PRKAR2A: variants seen among roughly 807,000 people sequenced by gnomAD.
PRKAR2A encodes protein kinase cAMP-dependent type II regulatory subunit alpha.
A neutral mutation model predicts 51.9 loss-of-function variants in PRKAR2A; 29 were observed. That is an observed-to-expected ratio of 0.56 (90% CI 0.42 to 0.76). PRKAR2A has a LOEUF of 0.76. Among genes scored for constraint, PRKAR2A ranks in the 30% least tolerant of loss-of-function variants. The probability of loss-of-function intolerance (pLI) is 0.00; values close to 1 mark genes in which losing one functional copy is unlikely to be tolerated. For missense variants in PRKAR2A, 445 were observed against 512.1 expected (o/e 0.87, Z 1.26); for synonymous variants, 178 against 186.2 (o/e 0.96, Z 0.36).
At chr3:48,779,535 CT>C (rs1268100377) in intron 5 of PRKAR2A, among the ~76,000 whole-genome samples, 1 of 151,590 alleles carries the variant, frequency 6.6e-6, no homozygotes, top group Non-Finnish European at 1.5e-5. Context: ...AATCTCAGCA[CT>C]TTGGGAGGCC....
At chr3:48,831,454 C>A (rs138219862) in intron 1 of PRKAR2A, among the ~76,000 whole-genome samples, 22 of 147,816 alleles carry the variant, frequency 1.5e-4, no homozygotes, top group Non-Finnish European at 3.0e-4. Context: ...GTAGCATTGA[C>A]CTGCTGGGCT....
intron 1 of PRKAR2A, among the ~76,000 whole-genome samples, chr3:48,843,154 G>C (rs758400415): frequency 1.6e-4 from 25 of 152,020 alleles, no homozygotes; most frequent in Non-Finnish European, 3.4e-4. Context: ...AGAGTGTGTC[G>C]AGGAATTTAT....
chr3:48,786,722 AT>A (rs2107300151), intron 4 of PRKAR2A, among the ~76,000 whole-genome samples: 1 of 152,244 alleles, frequency 6.6e-6, no homozygotes, highest in South Asian at 2.1e-4. Context: ...GATAGTGTTA[AT>A]CATAATAGCT....
intron 1 of PRKAR2A, among the ~76,000 whole-genome samples, chr3:48,818,346 T>C (rs2082905274): frequency 6.6e-6 from 1 of 152,240 alleles, no homozygotes. Flanking sequence ...ATCTTTAGTC[T>C]GTCATTTTAC....
chr3:48,820,006 ATCCAAGCCAGGCAAATCAGTG>A (rs1226156425), intron 1 of PRKAR2A, among the ~76,000 whole-genome samples: 1 of 152,150 alleles, frequency 6.6e-6, no homozygotes, highest in Non-Finnish European at 1.5e-5. Flanking sequence ...AGGGTGCATG[ATCCAAGCCAGGCAAATCAGTG>A]TTCTTAAGCA....
In PRKAR2A at chr3:48,782,987, G is replaced by A. The variant is rs201062271; in HGVS notation, c.541C>T (p.Arg181Trp). 9 of 1,595,134 alleles carry A rather than the reference G, an allele frequency of 5.6e-6. No individual in the cohort carries two copies. In the East Asian group the frequency reaches 6.7e-5, roughly 12 times the overall value. The change falls in exon 5 of 11, where the codon CGG becomes TGG. Residue 181 changes from arginine (R) to tryptophan (W), a missense_variant and splice_region_variant. Transcript: ENST00000265563. ...CAATTTCAAAGCTCCATCTCCTACC[G>A]TTCTATGACATAAAAGTTGTCTCCA... is the stretch of plus-strand genomic sequence containing the variant. ...DDGDNFYVIERGTYDILVTKD... is the reference protein window; with the variant it reads ...DDGDNFYVIEWGTYDILVTKD...
At chr3:48,824,133 C>T (rs954894307) in intron 1 of PRKAR2A, among the ~76,000 whole-genome samples, 2 of 151,864 alleles carry the variant, frequency 1.3e-5, no homozygotes, top group African/African-American at 4.8e-5. Context: ...CACAGCTACT[C>T]GGGAGGTTGA....
intron 1 of PRKAR2A, among the ~76,000 whole-genome samples, chr3:48,838,830 A>G (rs1002151836): frequency 4.6e-5 from 7 of 151,356 alleles, no homozygotes; most frequent in African/African-American, 1.5e-4. Flanking sequence ...AAAAAATACA[A>G]AAAATTAGCT....
chr3:48,829,605 AAT>A lies in PRKAR2A; in HGVS notation c.262+17728_262+17729del, dbSNP rs1559646320. 3.1e-5 allele frequency among the ~76,000 whole-genome samples: 2 copies of A among 64,442 alleles called. 1 individual carries two copies. The highest frequency in any genetic ancestry group is 5.6e-5 in the Non-Finnish European group (2 of 35,410). The allele number at this position is 64,442 out of a possible 152,430, so 42.3% of individuals were successfully genotyped here. On this transcript the variant is annotated intron_variant, in intron 1 of 10. Coordinates refer to ENST00000265563, the MANE Select transcript of PRKAR2A (RefSeq NM_004157.4). ...ATGTGTGTATATATACACACACATA[AAT>A]GTGTGTGTGTATACGTGTGTATACA...
intron 3 of PRKAR2A, among the ~76,000 whole-genome samples, chr3:48,792,600 T>G (rs1355612831): frequency 2.7e-5 from 4 of 150,942 alleles, no homozygotes; most frequent in African/African-American, 7.3e-5. Flanking sequence ...TAGCTGGGAT[T>G]ACAGGCGCCT....
chr3:48,775,237 G>A (rs1048699614), intron 5 of PRKAR2A, among the ~76,000 whole-genome samples: 11 of 151,988 alleles, frequency 7.2e-5, no homozygotes, highest in East Asian at 3.9e-4. Context: ...TCAGGAGTTC[G>A]AGACTAGCCT....
chr3:48,788,036 T>G (rs1011075761), intron 4 of PRKAR2A, among the ~76,000 whole-genome samples: 4 of 152,118 alleles, frequency 2.6e-5, no homozygotes, highest in African/African-American at 9.7e-5. Flanking sequence ...AATTTTAAAT[T>G]TTTAGCTTTT....
Position 48,847,494 on chromosome 3 carries a change from C to T in PRKAR2A, c.103G>A (p.Glu35Lys). The T allele has an allele frequency of 6.4e-7, 1 of 1,556,366 alleles. No individual in the cohort carries two copies. The highest frequency in any genetic ancestry group is 8.7e-7 in the Non-Finnish European group (1 of 1,150,436). Residue 35 changes from glutamate (E) to lysine (K), a missense_variant, in exon 1 of 11, where the codon GAG becomes AAG. By Grantham distance (56) the Glu-to-Lys change is moderately conservative (BLOSUM62 1). Coordinates refer to ENST00000265563, the MANE Select transcript of PRKAR2A (RefSeq NM_004157.4). This position sits in a 1 kb window ranked among gnomAD's most constrained non-coding sequence, Gnocchi z 4.4. The stretch of plus-strand genomic sequence containing the variant: ...GCCTCGCGCAGGCGGGTGAAGTACT[C>T]CACTGCGAATTCGACGAGGTCAGGC... ...QPPDLVEFAVEYFTRLREARA... is the reference protein window; with the variant it reads ...QPPDLVEFAVKYFTRLREARA...
At chr3:48,807,396 C>T (rs2082689492) in intron 2 of PRKAR2A, among the ~76,000 whole-genome samples, 1 of 151,988 alleles carries the variant, frequency 6.6e-6, no homozygotes, top group African/African-American at 2.4e-5. Context: ...TTTTTTGAAG[C>T]TGTAATTATA....
At chr3:48,753,288 T>C (rs1352316327) in intron 9 of PRKAR2A, among the ~76,000 whole-genome samples, 2 of 151,616 alleles carry the variant, frequency 1.3e-5, no homozygotes, top group African/African-American at 2.4e-5. Flanking sequence ...TATTAATATC[T>C]AGAGGTTTTT....
intron 1 of PRKAR2A, among the ~76,000 whole-genome samples, chr3:48,836,791 A>G (rs2083293719): frequency 6.6e-6 from 1 of 151,818 alleles, no homozygotes; most frequent in African/African-American, 2.4e-5. Context: ...AACGCTGGCA[A>G]CATAGTGAGA....
intron 8 of PRKAR2A, among the ~76,000 whole-genome samples, chr3:48,759,903 T>C (rs2107215848): frequency 6.6e-6 from 1 of 152,316 alleles, no homozygotes; most frequent in Admixed American, 6.5e-5. Context: ...TTTCAGGATA[T>C]GGGAATCTTT....
rs2081849404 is a variant in PRKAR2A, at chr3:48,760,632, C to T, written c.874-4188G>A. ...CACCTGAGGTAGGGAGTTCACAGAC[C>T]AGCCTGACCAACATGGAGAAACCCT... On this transcript the variant is annotated intron_variant, in intron 8 of 10. Coordinates refer to ENST00000265563, the MANE Select transcript of PRKAR2A (RefSeq NM_004157.4). Among the ~76,000 whole-genome samples, 3 of 146,446 alleles carry T rather than the reference C, an allele frequency of 2.0e-5. No homozygotes were observed. In the Admixed American group the frequency reaches 2.1e-4, roughly 10 times the overall value.
At chr3:48,754,463 C>G (rs1488977966) in intron 9 of PRKAR2A, among the ~76,000 whole-genome samples, 3 of 151,956 alleles carry the variant, frequency 2.0e-5, no homozygotes, top group African/African-American at 7.2e-5. Flanking sequence ...TCTCAAAGAT[C>G]TACTTTTAAT....
Sources: allele counts gnomAD v4.1 joint callset (sites outside exome capture counted in the v4.1 genomes callset), GRCh38; gene constraint gnomAD v4.1.1; non-coding constraint Gnocchi (gnomAD v3.1); transcripts MANE v1.5; gene names NCBI Gene and HGNC (gene_info 2026-07-23, HGNC 2026-07-21).